Variants in ITGAL observed in about 807,000 individuals in gnomAD.
ITGAL encodes integrin subunit alpha L, also known as integrin alpha-L.
A neutral mutation model predicts 138.4 loss-of-function variants in ITGAL; 68 were observed. The ratio of observed to expected loss-of-function variants is 0.49; its 90% CI spans 0.40 to 0.60. The LOEUF (loss-of-function observed/expected upper bound fraction) is 0.60, where lower values mean the gene tolerates loss of function less well. Ranked by LOEUF, ITGAL falls within the 20% of genes least tolerant of loss-of-function variation. ITGAL has a pLI of 0.00. For missense variants in ITGAL, 1,256 were observed against 1,478.6 expected (o/e 0.85, Z 2.47); for synonymous variants, 561 against 584.3 (o/e 0.96, Z 0.57).
At chr16:30,498,787 G>T in intron 15 of ITGAL, 2 of 297,310 alleles carry the variant, frequency 6.7e-6, no homozygotes, top group South Asian at 6.4e-5. Context: ...TGTGGTCCCA[G>T]ATCCTTGGGA....
At chr16:30,516,830 G>T (rs564234882) in intron 25 of ITGAL, 143 bp from the exon 26 acceptor site, 2 of 699,770 alleles carry the variant, frequency 2.9e-6, no homozygotes, top group South Asian at 1.5e-5. Context: ...GCCATGCCCA[G>T]TCACTGGACA....
At chr16:30,509,807 G>A (rs1331845309) in intron 21 of ITGAL, among the ~76,000 whole-genome samples, 2 of 152,040 alleles carry the variant, frequency 1.3e-5, no homozygotes, top group Middle Eastern at 3.2e-3. Flanking sequence ...GGTAGGCTGA[G>A]GCAGGCAGAT....
At chr16:30,488,818 A>T (rs2050683426) in intron 9 of ITGAL, 2 of 452,788 alleles carry the variant, frequency 4.4e-6, no homozygotes, top group South Asian at 2.1e-5. Flanking sequence ...TTGAGGCTGC[A>T]GTGAGCTGTG....
chr16:30,479,569 C>A (rs901359128), intron 6 of ITGAL, 108 bp downstream of exon 6: 1 of 1,105,558 alleles, frequency 9.0e-7, no homozygotes, highest in Non-Finnish European at 1.3e-6. Context: ...AGCCTATGGG[C>A]ATGGCTATAA....
At chr16:30,475,800 G>A (rs1022819991) in intron 4 of ITGAL, among the ~76,000 whole-genome samples, 12 of 141,780 alleles carry the variant, frequency 8.5e-5, no homozygotes. Context: ...GCCCAGGCTG[G>A]AGTGCAGTGG....
At chr16:30,496,072 T>A in intron 13 of ITGAL, 25 bp from the exon 14 acceptor site, 1 of 1,596,302 alleles carries the variant, frequency 6.3e-7, no homozygotes, top group Non-Finnish European at 8.6e-7. Context: ...GACTTGGGTG[T>A]GACCTGTCTC....
intron 2 of ITGAL, 125 bp downstream of exon 2, chr16:30,474,423 G>A: frequency 1.5e-6 from 1 of 650,976 alleles, no homozygotes. Flanking sequence ...AGGGGTTCCC[G>A]TCTGGAGGAG....
intron 15 of ITGAL, chr16:30,498,724 T>A (rs920382001): frequency 5.1e-6 from 1 of 196,768 alleles, no homozygotes. Flanking sequence ...CATAGGAAGG[T>A]CCCTTCTCTA....
At chr16:30,512,732 G>T (rs150790138) in intron 24 of ITGAL, among the ~76,000 whole-genome samples, 1 of 151,882 alleles carries the variant, frequency 6.6e-6, no homozygotes, top group African/African-American at 2.4e-5. Flanking sequence ...ACAGAGTCTC[G>T]CTCTGTTGCC....
Position 30,504,213 on chromosome 16 carries a change from C to T in ITGAL, c.2184C>T (p.Ser728=). ...ACCTCATCTCCCCCATCAATGTTTCCCTGAATTTCTCTCTTTGGGAGGAGG... is the reference window on the plus strand; with the variant it reads ...ACCTCATCTCCCCCATCAATGTTTCTCTGAATTTCTCTCTTTGGGAGGAGG... The part of the protein sequence containing the change: ...VQDLISPINV[S]LNFSLWEEEG... The change falls in exon 18 of 31, where the codon TCC becomes TCT. Residue 728 remains serine, a synonymous_variant. Coordinates refer to ENST00000356798, the MANE Select transcript of ITGAL (RefSeq NM_002209.3). 6.2e-7 allele frequency: 1 copy of T among 1,613,770 alleles called. No homozygotes were observed. Among genetic ancestry groups the T allele is most frequent in the Non-Finnish European group, 8.5e-7 (1 of 1,179,732 alleles).
In ITGAL at chr16:30,472,766, T is replaced by C. The variant is rs1212048139; in HGVS notation, c.-72T>C. 4 of 1,375,056 alleles carry C rather than the reference T, an allele frequency of 2.9e-6. No individual in the cohort carries two copies. Among genetic ancestry groups the C allele is most frequent in the Non-Finnish European group, 4.1e-6 (4 of 972,524 alleles). The allele number at this position is 1,375,056 out of a possible 1,614,324, so 85.2% of individuals were successfully genotyped here. A position where few individuals can be genotyped will look rare whatever the true frequency, so the allele number is the denominator to read the frequency against. Reference sequence around the variant, plus strand: ...GATCATTTTCCTCTTTCACCCTGTCTAGGTTGCCAGCAAATCCCACGGGCC... The same window carrying C: ...GATCATTTTCCTCTTTCACCCTGTCCAGGTTGCCAGCAAATCCCACGGGCC... On this transcript the variant is annotated 5_prime_UTR_variant, in exon 1 of 31. Coordinates refer to ENST00000356798, the MANE Select transcript of ITGAL (RefSeq NM_002209.3).
At chr16:30,491,976 C>T (rs1475623501) in intron 11 of ITGAL, among the ~76,000 whole-genome samples, 1 of 152,176 alleles carries the variant, frequency 6.6e-6, no homozygotes, top group African/African-American at 2.4e-5. Context: ...GCGGTTCCGT[C>T]TCTTCACTCT....
At chr16:30,478,393 A>G (rs1027194994) in intron 4 of ITGAL, among the ~76,000 whole-genome samples, 2 of 150,114 alleles carry the variant, frequency 1.3e-5, no homozygotes, top group South Asian at 2.1e-4. Flanking sequence ...GGGGAGAGGA[A>G]GGGAAAAAGA....
chr16:30,509,652 C>T (rs2051058325), intron 21 of ITGAL, among the ~76,000 whole-genome samples: 1 of 152,020 alleles, frequency 6.6e-6, no homozygotes, highest in Admixed American at 6.6e-5. Flanking sequence ...ATAAGCATGG[C>T]CCACTGCAGC....
rs2051152182 is a variant in ITGAL, at chr16:30,515,449, C to T, written c.2863-1524C>T. 1.3e-5 allele frequency among the ~76,000 whole-genome samples: 2 copies of T among 152,208 alleles called. 1 individual carries two copies. The highest frequency in any genetic ancestry group is 4.1e-4 in the South Asian group (2 of 4,830). ...GGATGGACCTCCCTGGAGCCACTCTCTTCCTCTGCCACCTTCTGTGACTTC... is the reference window on the plus strand; with the variant it reads ...GGATGGACCTCCCTGGAGCCACTCTTTTCCTCTGCCACCTTCTGTGACTTC... On this transcript the variant is annotated intron_variant, in intron 25 of 30. Coordinates refer to ENST00000356798, the MANE Select transcript of ITGAL (RefSeq NM_002209.3).
chr16:30,499,733 A>ATGTATATATATATATATATATATATT, intron 17 of ITGAL, among the ~76,000 whole-genome samples: 1 of 88,390 alleles, frequency 1.1e-5, no homozygotes, highest in African/African-American at 6.0e-5. Context: ...ATATATATAT[A>ATGTATATATATATATATATATATATT]TTTTTTTTTT....
rs369559910 is a variant in ITGAL, at chr16:30,517,905, G to A, written c.3132+10G>A. The A allele has an allele frequency of 8.7e-6, 14 of 1,611,908 alleles. 1 individual carries two copies. The highest frequency in any genetic ancestry group is 4.0e-5 in the African/African-American group (3 of 74,890). Reference sequence around the variant, plus strand: ...GGTGGGAGAGATCGAGGTAGTCCCCGCTCCTAAGAGATGTGGAGCTGCTGT... The same window carrying A: ...GGTGGGAGAGATCGAGGTAGTCCCCACTCCTAAGAGATGTGGAGCTGCTGT... On this transcript the variant is annotated intron_variant, in intron 28 of 30. Coordinates refer to ENST00000356798, the MANE Select transcript of ITGAL (RefSeq NM_002209.3).
Position 30,489,385 on chromosome 16 carries a change from G to T in ITGAL, c.1212G>T (p.Leu404Phe), listed in dbSNP as rs772482796. ...CACCAGAAGTGAGAGCAGGCTATTTGGGTGAGTACTTCTCTTTTCTGCTGG... is the reference window on the plus strand; with the variant it reads ...CACCAGAAGTGAGAGCAGGCTATTTTGGTGAGTACTTCTCTTTTCTGCTGG... ...PLTPEVRAGY[L>F]GYTVTWLPSR... Residue 404 changes from leucine to phenylalanine, a missense_variant and splice_region_variant, in exon 11 of 31, where the codon TTG becomes TTT. Physicochemically the swap from Leu to Phe is conservative, Grantham distance 22. Transcript: ENST00000356798. 3 of 1,614,082 alleles carry T rather than the reference G, an allele frequency of 1.9e-6. No individual in the cohort carries two copies. The South Asian group carries it at 3.3e-5, about 18-fold the overall frequency.
At position 30,521,857 on chromosome 16, in the gene ITGAL, G is replaced by A. The variant is rs2051259351; in HGVS notation, c.*192G>A. The A allele has an allele frequency of 1.7e-6, 1 of 587,680 alleles. No homozygotes were observed. The highest frequency in any genetic ancestry group is 2.9e-5 in the East Asian group (1 of 34,124). 36.4% of individuals were successfully genotyped at this position (587,680 alleles called of 1,614,324 possible). The stretch of plus-strand genomic sequence containing the variant: ...CAGGCTCATAGGGAAGACCTGCTGA[G>A]GGACCAGCCAAGAGGGCTGCAAAAG... On this transcript the variant is annotated 3_prime_UTR_variant, in exon 31 of 31. Coordinates refer to ENST00000356798, the MANE Select transcript of ITGAL (RefSeq NM_002209.3).
Sources: allele counts gnomAD v4.1 joint callset (sites outside exome capture counted in the v4.1 genomes callset), GRCh38; gene constraint gnomAD v4.1.1; transcripts MANE v1.5; gene names NCBI Gene and HGNC (gene_info 2026-07-23, HGNC 2026-07-21).